The following MDM4 variants were observed in gnomAD, a reference collection of about 807,000 sequenced individuals.
MDM4 encodes the protein MDM4 regulator of p53.
In MDM4, 2 loss-of-function variants were observed where a neutral mutation model predicts 60.2. The ratio of observed to expected loss-of-function variants is 0.03; its 90% CI spans 0.01 to 0.10. MDM4 has a LOEUF of 0.10. Among genes scored for constraint, MDM4 ranks in the 10% least tolerant of loss-of-function variants. The probability of loss-of-function intolerance (pLI) is 1.00; values close to 1 mark genes in which losing one functional copy is unlikely to be tolerated. For synonymous variants in MDM4, 202 were observed against 198.1 expected, an observed-to-expected ratio of 1.02 and a Z score of -0.17; for missense variants, 447 against 577.5, an observed-to-expected ratio of 0.77 and a Z score of 2.32.
intron 1 of MDM4, among the ~76,000 whole-genome samples, chr1:204,517,114 A>G (rs4245737): frequency 0.56 from 85,551 of 151,694 alleles, 26,669 homozygotes; most frequent in Non-Finnish European, 0.68. Flanking sequence ...GTGGTGGCGC[A>G]TGCCTGTAAT....
At chr1:204,526,238 A>T in intron 2 of MDM4, 122 bp from the exon 3 acceptor site, 1 of 748,422 alleles carries the variant, frequency 1.3e-6, no homozygotes, top group Non-Finnish European at 2.3e-6. Context: ...CCAAGGCGAC[A>T]GAGCAAGACC....
In MDM4 at chr1:204,553,223, G is replaced by A. The variant is rs1238786433; in HGVS notation, c.*3541G>A. 13 of 191,376 alleles carry A rather than the reference G, an allele frequency of 6.8e-5. No individual in the cohort carries two copies. The East Asian group carries it at 9.1e-4, about 13-fold the overall frequency. The allele number at this position is 191,376 out of a possible 1,614,324, so 11.9% of individuals were successfully genotyped here. ...GATTTTCTTTTTTCCTTGCCACTGC[G>A]GTACAGATTTTTTTTACTCACTGCC... On this transcript the variant is annotated 3_prime_UTR_variant, in exon 11 of 11. Coordinates refer to ENST00000367182, the MANE Select transcript of MDM4 (RefSeq NM_002393.5).
rs746743950 is a variant in MDM4, at chr1:204,555,872, C to T, written c.*6190C>T. The stretch of plus-strand genomic sequence containing the variant: ...AGAGACTCTGTCTCAAAAAAAAGGA[C>T]ATTTATCATTATAACATCTTATTAG... On this transcript the variant is annotated 3_prime_UTR_variant, in exon 11 of 11. Coordinates refer to ENST00000367182, the MANE Select transcript of MDM4 (RefSeq NM_002393.5). 4 of 188,632 alleles carry T rather than the reference C, an allele frequency of 2.1e-5. No individual in the cohort carries two copies. The highest frequency in any genetic ancestry group is 3.3e-5 in the Non-Finnish European group (3 of 89,816). 11.7% of individuals were successfully genotyped at this position (188,632 alleles called of 1,614,324 possible). A position where few individuals can be genotyped will look rare whatever the true frequency, so the allele number is the denominator to read the frequency against.
At position 204,525,475 on chromosome 1, in the gene MDM4, T is replaced by C; in HGVS notation, c.-35-9T>C. ...AGAATAGATGTTATAAATTTTTTTT[T>C]CTATTTAGTTTTACCAACAGACTGC... On this transcript the variant is annotated splice_polypyrimidine_tract_variant and intron_variant, in intron 1 of 10. Coordinates refer to ENST00000367182, the MANE Select transcript of MDM4 (RefSeq NM_002393.5). The C allele has an allele frequency of 6.4e-7, 1 of 1,570,796 alleles. No homozygotes were observed. Among genetic ancestry groups the C allele is most frequent in the East Asian group, 2.2e-5 (1 of 44,694 alleles).
Position 204,549,100 on chromosome 1 carries a change from C to T in MDM4, c.904-13C>T, listed in dbSNP as rs1662954996. ...ACCCCCTGAGTATTAATTGGCTTCA[C>T]TTGTCTTTGTAGGATGAGTGGCAGT... On this transcript the variant is annotated splice_polypyrimidine_tract_variant and intron_variant, in intron 10 of 10. Transcript: ENST00000367182. 2 of 1,544,798 alleles carry T rather than the reference C, an allele frequency of 1.3e-6. No homozygotes were observed. The highest frequency in any genetic ancestry group is 2.7e-5 in the African/African-American group (2 of 72,832).
At chr1:204,532,464 A>T (rs954968236) in intron 5 of MDM4, 14 of 567,056 alleles carry the variant, frequency 2.5e-5, no homozygotes, top group East Asian at 2.1e-4. Context: ...ACGTACTGTT[A>T]ACGTTTTGTC....
chr1:204,529,619 T>A, intron 3 of MDM4: 1 of 1,146,082 alleles, frequency 8.7e-7, no homozygotes, highest in Non-Finnish European at 1.2e-6. Flanking sequence ...GGGTCCAAGG[T>A]AGTAGCTACC....
chr1:204,520,667 A>G (rs182491855), intron 1 of MDM4, among the ~76,000 whole-genome samples: 67 of 152,216 alleles, frequency 4.4e-4, no homozygotes, highest in African/African-American at 1.6e-3. Context: ...CTTGAGGCCA[A>G]GAGTTTGAGA....
intron 7 of MDM4, among the ~76,000 whole-genome samples, chr1:204,540,825 G>A (rs533032716): frequency 2.0e-5 from 3 of 152,244 alleles, no homozygotes; most frequent in South Asian, 2.1e-4. Context: ...TTGTGTTGGC[G>A]AAGATGTGTA....
chr1:204,535,344 A>G (rs1661293006), intron 5 of MDM4, among the ~76,000 whole-genome samples: 1 of 151,450 alleles, frequency 6.6e-6, no homozygotes, highest in East Asian at 2.0e-4. Flanking sequence ...TTTTTAGTAG[A>G]GACGGGGTTT....
At chr1:204,529,055 G>A (rs1027444821) in intron 3 of MDM4, 9 of 1,485,972 alleles carry the variant, frequency 6.1e-6, no homozygotes, top group Non-Finnish European at 8.4e-6. Flanking sequence ...TCAGGTTGTA[G>A]CCCATTTGGG....
intron 5 of MDM4, among the ~76,000 whole-genome samples, chr1:204,533,014 G>C (rs761652007): frequency 6.6e-6 from 1 of 152,146 alleles, no homozygotes; most frequent in Non-Finnish European, 1.5e-5. Context: ...ATAATCTGTG[G>C]GCTCAGGTGG....
At chr1:204,540,601 A>C (rs1661969732) in intron 7 of MDM4, among the ~76,000 whole-genome samples, 2 of 151,820 alleles carry the variant, frequency 1.3e-5, no homozygotes, top group African/African-American at 4.8e-5. Context: ...TGTCTATATT[A>C]AAAATACAAA....
At position 204,522,523 on chromosome 1, in the gene MDM4, G is replaced by A. The variant is rs545675234; in HGVS notation, c.-35-2961G>A. Among the ~76,000 whole-genome samples the A allele has an allele frequency of 4.2e-3, 642 of 151,196 alleles. 7 individuals carry two copies. The highest frequency in any genetic ancestry group is 0.015 in the African/African-American group (610 of 41,124). ...GGCGATTCTCCTGTCTCAGCCTCCC[G>A]AGTAGTTGGGACTACAGGCGTGTGC... On this transcript the variant is annotated intron_variant, in intron 1 of 10. Coordinates refer to ENST00000367182, the MANE Select transcript of MDM4 (RefSeq NM_002393.5).
chr1:204,540,889 A>G (rs1313782631), intron 7 of MDM4, among the ~76,000 whole-genome samples: 3 of 152,202 alleles, frequency 2.0e-5, no homozygotes, highest in Non-Finnish European at 4.4e-5. Context: ...TAGTCTAGGC[A>G]TGTGGACCAA....
chr1:204,525,952 AAGT>A (rs1280085380), intron 2 of MDM4, among the ~76,000 whole-genome samples: 2 of 151,960 alleles, frequency 1.3e-5, no homozygotes, highest in African/African-American at 4.8e-5. Flanking sequence ...TTTTTAAAAA[AAGT>A]AGGGGAGGTG....
chr1:204,529,086 G>T, intron 3 of MDM4: 3 of 1,411,474 alleles, frequency 2.1e-6, no homozygotes, highest in Admixed American at 1.9e-5. Context: ...CTGCAGCTCT[G>T]TGTAGCTAAT....
chr1:204,525,172 G>A (rs942558429), intron 1 of MDM4, among the ~76,000 whole-genome samples: 3 of 152,204 alleles, frequency 2.0e-5, no homozygotes, highest in African/African-American at 7.2e-5. Flanking sequence ...CCATTGGGGA[G>A]ATAATGATTT....
At chr1:204,520,168 G>T (rs1659420847) in intron 1 of MDM4, among the ~76,000 whole-genome samples, 2 of 151,486 alleles carry the variant, frequency 1.3e-5, no homozygotes, top group Non-Finnish European at 2.9e-5. Flanking sequence ...TCCCAGCTAC[G>T]CGGGAGGCTG....
Sources: allele counts gnomAD v4.1 joint callset (sites outside exome capture counted in the v4.1 genomes callset), GRCh38; gene constraint gnomAD v4.1.1; transcripts MANE v1.5; gene names NCBI Gene and HGNC (gene_info 2026-07-23, HGNC 2026-07-21).